The following TSPAN12 variants were observed in gnomAD, a reference collection of about 807,000 sequenced individuals.
TSPAN12 encodes tetraspanin-12.
TSPAN12 carries 19 observed loss-of-function variants against 39.2 expected under a neutral mutation model. That is an observed-to-expected ratio of 0.49 (90% confidence interval 0.34 to 0.71). The LOEUF (loss-of-function observed/expected upper bound fraction) is 0.71. Ranked by LOEUF, TSPAN12 falls within the 30% of genes least tolerant of loss-of-function variation. The pLI is 0.01. For missense variants in TSPAN12, 314 were observed against 359.9 expected (o/e 0.87, Z 1.03); for synonymous variants, 119 against 124.8 (o/e 0.95, Z 0.31).
In TSPAN12 at chr7:120,837,267, A is replaced by G. The variant is rs565552125; in HGVS notation, c.285+1510T>C. 2.6e-5 allele frequency among the ~76,000 whole-genome samples: 4 copies of G among 152,174 alleles called. No homozygotes were observed. The South Asian group carries it at 8.3e-4, about 32-fold the overall frequency. ...CCTATATGAAGAGAAATAAAGCAGTAGGCATGTTTCCCCATCTCTGAGTGT... is the reference window on the plus strand; with the variant it reads ...CCTATATGAAGAGAAATAAAGCAGTGGGCATGTTTCCCCATCTCTGAGTGT... On this transcript the variant is annotated intron_variant, in intron 4 of 7. Transcript: ENST00000222747.
intron 4 of TSPAN12, among the ~76,000 whole-genome samples, chr7:120,824,276 C>CAAAA (rs56316348): frequency 8.0e-6 from 1 of 124,616 alleles, no homozygotes; most frequent in African/African-American, 3.0e-5. Flanking sequence ...ACTAAAAATG[C>CAAAA]AAAAAAAAAA....
chr7:120,806,533 C>A lies in TSPAN12; in HGVS notation c.612+16G>T, dbSNP rs1246379683. ...AAAACATTTATCCATAATAAATTAA[C>A]CATATATGGCCTCACCTCTTGATAA... On this transcript the variant is annotated intron_variant, in intron 7 of 7. Transcript: ENST00000222747. 1 of 1,612,086 alleles carries A rather than the reference C, an allele frequency of 6.2e-7. No homozygotes were observed. Among genetic ancestry groups the A allele is most frequent in the African/African-American group, 1.3e-5 (1 of 74,816 alleles).
chr7:120,840,803 T>C (rs1044586867), intron 2 of TSPAN12, among the ~76,000 whole-genome samples: 1 of 152,234 alleles, frequency 6.6e-6, no homozygotes, highest in African/African-American at 2.4e-5. Context: ...AAACTTTTTA[T>C]GGAAGAATTT....
intron 4 of TSPAN12, among the ~76,000 whole-genome samples, chr7:120,835,981 T>C (rs1584946776): frequency 6.6e-6 from 1 of 152,134 alleles, no homozygotes; most frequent in South Asian, 2.1e-4. Flanking sequence ...AAGTCTCCAT[T>C]GTAGAAGGGC....
rs903941439 is a variant in TSPAN12 at position 120,788,000 on chromosome 7, C to CA, written c.*591dup. On this transcript the variant is annotated 3_prime_UTR_variant, in exon 8 of 8. Transcript: ENST00000222747. ...TACAGATTTAACACAGACTTATATA[C>CA]AAAAAATCCCTGATCAGCTTAAGAC... 3 of 155,214 alleles carry CA rather than the reference C, an allele frequency of 1.9e-5. No homozygotes were observed. Among genetic ancestry groups the CA allele is most frequent in the African/African-American group, 7.2e-5 (3 of 41,436 alleles). 9.6% of individuals were successfully genotyped at this position (155,214 alleles called of 1,614,324 possible).
In TSPAN12 at chr7:120,788,670, T is replaced by C. The variant is rs371203447; in HGVS notation, c.840A>G (p.Lys280=). Reference sequence around the variant, plus strand: ...GTTCAAAGATTCTTGACAGGCTTGGTTTCAACAGTTCTACTGAGGGACATG... The same window carrying C: ...GTTCAAAGATTCTTGACAGGCTTGGCTTCAACAGTTCTACTGAGGGACATG... ...HLSCPSVELL[K]PSLSRIFEHT... is the part of the protein sequence containing the mutation. The change falls in exon 8 of 8, where the codon AAA becomes AAG. Residue 280 remains lysine (K), a synonymous_variant. Transcript: ENST00000222747. 8.1e-6 allele frequency: 13 copies of C among 1,613,978 alleles called. No homozygotes were observed. Among genetic ancestry groups the C allele is most frequent in the Non-Finnish European group, 1.0e-5 (12 of 1,180,008 alleles).
At position 120,810,451 on chromosome 7, in the gene TSPAN12, T is replaced by C; in HGVS notation, c.468+12A>G. The C allele has an allele frequency of 6.5e-7, 1 of 1,530,342 alleles. No homozygotes were observed. Among genetic ancestry groups the C allele is most frequent in the Non-Finnish European group, 9.1e-7 (1 of 1,103,772 alleles). 94.8% of individuals were successfully genotyped at this position (1,530,342 alleles called of 1,614,324 possible). A position where few individuals can be genotyped will look rare whatever the true frequency, so the allele number is the denominator to read the frequency against. The stretch of plus-strand genomic sequence containing the variant: ...ACTTCACTCTCTCTACCTCAGAAAT[T>C]GTAGCACTTACCTCTCTCTGAAAAA... On this transcript the variant is annotated intron_variant, in intron 6 of 7. Transcript: ENST00000222747.
chr7:120,839,061 T>C, intron 3 of TSPAN12, 149 bp from the exon 4 acceptor site: 1 of 872,654 alleles, frequency 1.1e-6, no homozygotes. Flanking sequence ...TCAAAATCAC[T>C]GTGCTATTGT....
chr7:120,832,100 C>T (rs1562948930), intron 4 of TSPAN12, among the ~76,000 whole-genome samples: 1 of 151,938 alleles, frequency 6.6e-6, no homozygotes, highest in Non-Finnish European at 1.5e-5. Context: ...GCAATACAAA[C>T]ATTACTATCA....
In TSPAN12 at chr7:120,802,050, A is replaced by G. The variant is rs533831747; in HGVS notation, c.612+4499T>C. 8.0e-4 allele frequency among the ~76,000 whole-genome samples: 122 copies of G among 152,272 alleles called. 2 individuals are homozygous for G. The highest frequency in any genetic ancestry group is 7.9e-3 in the Admixed American group (121 of 15,278). On this transcript the variant is annotated intron_variant, in intron 7 of 7. Coordinates refer to ENST00000222747, the MANE Select transcript of TSPAN12 (RefSeq NM_012338.4). ...CTGCTGTCTTTTATGTCTTTTATTT[A>G]TGCTTCTCTTCTCCAGATCAAGTCA...
In TSPAN12 at chr7:120,847,457, C is replaced by T. The variant is rs541354141; in HGVS notation, c.67-7348G>A. On this transcript the variant is annotated intron_variant, in intron 2 of 7. Coordinates refer to ENST00000222747, the MANE Select transcript of TSPAN12 (RefSeq NM_012338.4). ...GATATAACTATCTATCATACTATCA[C>T]GGTCAATTTCAACATCTCTAACACT... Among the ~76,000 whole-genome samples, 28 of 152,278 alleles carry T rather than the reference C, an allele frequency of 1.8e-4. No individual in the cohort carries two copies. In the South Asian group the frequency reaches 2.9e-3, roughly 16 times the overall value.
chr7:120,842,158 C>T (rs145575240), intron 2 of TSPAN12, among the ~76,000 whole-genome samples: 1 of 152,326 alleles, frequency 6.6e-6, no homozygotes, highest in East Asian at 1.9e-4. Context: ...TCTGCGCTAA[C>T]TCAGCTGGTG....
At chr7:120,798,871 ATTCTTT>A (rs139488513) in intron 7 of TSPAN12, among the ~76,000 whole-genome samples, 4,228 of 152,202 alleles carry the variant, frequency 0.028, 183 homozygotes, top group African/African-American at 0.097. Flanking sequence ...ACAGCTACTT[ATTCTTT>A]AAGATTAGAA....
chr7:120,854,968 A>G (rs1366840135), intron 2 of TSPAN12, among the ~76,000 whole-genome samples: 1 of 152,196 alleles, frequency 6.6e-6, no homozygotes, highest in African/African-American at 2.4e-5. Context: ...GTACAGGGTA[A>G]CAACAAAGAA....
In TSPAN12 at chr7:120,840,200, T is replaced by C. The variant is rs554126376; in HGVS notation, c.67-91A>G. Reference sequence around the variant, plus strand: ...TAGGAAAATTAAGGATTTTGTTACATAATATCTTTCCCAATTACCATTTGC... The same window carrying C: ...TAGGAAAATTAAGGATTTTGTTACACAATATCTTTCCCAATTACCATTTGC... On this transcript the variant is annotated intron_variant, in intron 2 of 7. Transcript: ENST00000222747. 486 of 992,928 alleles carry C rather than the reference T, an allele frequency of 4.9e-4. 2 individuals are homozygous for C. Among genetic ancestry groups the C allele is most frequent in the Middle Eastern group, 2.7e-3 (13 of 4,874 alleles). The allele number at this position is 992,928 out of a possible 1,614,324, so 61.5% of individuals were successfully genotyped here.
chr7:120,831,567 C>T (rs1794390751), intron 4 of TSPAN12, among the ~76,000 whole-genome samples: 1 of 151,902 alleles, frequency 6.6e-6, no homozygotes, highest in Admixed American at 6.6e-5. Context: ...ACCACATGAT[C>T]TCAGTTATAT....
At chr7:120,802,513 T>C (rs959187799) in intron 7 of TSPAN12, among the ~76,000 whole-genome samples, 1 of 152,212 alleles carries the variant, frequency 6.6e-6, no homozygotes, top group South Asian at 2.1e-4. Context: ...ATTGCTGTTT[T>C]TTTTTCTTGT....
chr7:120,844,776 C>T (rs542357948), intron 2 of TSPAN12, among the ~76,000 whole-genome samples: 1 of 152,346 alleles, frequency 6.6e-6, no homozygotes, highest in South Asian at 2.1e-4. Flanking sequence ...TCTCCAGGCA[C>T]ATGATGCAAG....
At chr7:120,835,572 T>G (rs576295274) in intron 4 of TSPAN12, among the ~76,000 whole-genome samples, 1 of 152,316 alleles carries the variant, frequency 6.6e-6, no homozygotes, top group Non-Finnish European at 1.5e-5. Context: ...CTATGCCTCA[T>G]TTCCTCATCT....
Sources: gnomAD v4.1 joint callset for allele counts (sites outside exome capture counted in the v4.1 genomes callset) on GRCh38, gnomAD v4.1.1 for gene constraint, MANE v1.5 for transcripts, NCBI Gene and HGNC (gene_info 2026-07-23, HGNC 2026-07-21) for gene names.